Variants in USP54 observed in about 807,000 individuals in gnomAD.
USP54 encodes the protein ubiquitin carboxyl-terminal hydrolase 54.
A neutral mutation model predicts 170.5 loss-of-function variants in USP54; 87 were observed. That is an observed-to-expected ratio of 0.51 (90% confidence interval 0.43 to 0.61). USP54 has a LOEUF of 0.61. USP54 is among the 20% of genes least tolerant of loss of function. The probability of loss-of-function intolerance (pLI) is 0.00; values close to 1 mark genes in which losing one functional copy is unlikely to be tolerated. For synonymous variants in USP54, 655 were observed against 742.8 expected, an observed-to-expected ratio of 0.88 and a Z score of 1.92; for missense variants, 1,786 against 2,047.8, an observed-to-expected ratio of 0.87 and a Z score of 2.47.
chr10:73,539,106 C>A (rs1471165022), intron 10 of USP54, among the ~76,000 whole-genome samples: 1 of 151,750 alleles, frequency 6.6e-6, no homozygotes, highest in Non-Finnish European at 1.5e-5. Flanking sequence ...TAGTGAAACT[C>A]TGTCTCTACT....
intron 23 of USP54, among the ~76,000 whole-genome samples, chr10:73,500,249 T>C (rs1827542865): frequency 1.3e-5 from 2 of 152,218 alleles, no homozygotes; most frequent in Non-Finnish European, 2.9e-5. Flanking sequence ...ATTCCTTATC[T>C]TCCTAGACCA....
upstream of USP54, among the ~76,000 whole-genome samples, chr10:73,591,699 A>G (rs2078264944): frequency 6.6e-6 from 1 of 152,226 alleles, no homozygotes; most frequent in Non-Finnish European, 1.5e-5. Flanking sequence ...TTAAACAATA[A>G]GGTTTGCAGG....
intron 4 of USP54, among the ~76,000 whole-genome samples, chr10:73,556,345 C>CTTT (rs954299268): frequency 1.5e-5 from 2 of 133,850 alleles, no homozygotes; most frequent in African/African-American, 2.8e-5. Flanking sequence ...CTTTTTTTTT[C>CTTT]TTTTTTTTTT....
chr10:73,498,683 A>G lies in USP54; in HGVS notation c.5001T>C (p.Asp1667=). Reference sequence around the variant, plus strand: ...CCCTGATCTGCTCTCTTCTGGGAGCATCTGATAGAACAAACAGAAACCCCT... The same window carrying G: ...CCCTGATCTGCTCTCTTCTGGGAGCGTCTGATAGAACAAACAGAAACCCCT... ...VGEGFLFVLS[D]APRREQIRAR... is the part of the protein sequence containing the mutation. The change falls in exon 24 of 24, where the codon GAT becomes GAC. Residue 1667 remains aspartate (D), a synonymous_variant. Transcript: ENST00000687698. 4 of 1,600,938 alleles carry G rather than the reference A, an allele frequency of 2.5e-6. No homozygotes were observed. Among genetic ancestry groups the G allele is most frequent in the Non-Finnish European group, 3.4e-6 (4 of 1,172,988 alleles).
chr10:73,596,612 A>AG (rs376049102), intron 1 of USP54, among the ~76,000 whole-genome samples: 163 of 146,888 alleles, frequency 1.1e-3, no homozygotes, highest in African/African-American at 3.8e-3. Flanking sequence ...CCAGCTACTC[A>AG]GGAGGCTGGG....
In USP54 at chr10:73,545,536, AC is replaced by A; in HGVS notation, c.375+1del. ...CAAAGAGGGCCAGAGGCCAGCACTT[AC>A]AAAGCACTCTGCAGCATCATCCATA... On this transcript the variant is annotated splice_donor_variant, in intron 5 of 23. Coordinates refer to ENST00000687698, the MANE Select transcript of USP54 (RefSeq NM_001391956.1). LOFTEE classifies it high-confidence loss of function. The A allele has an allele frequency of 6.2e-7, 1 of 1,614,106 alleles. No homozygotes were observed. Among genetic ancestry groups the A allele is most frequent in the Non-Finnish European group, 8.5e-7 (1 of 1,179,952 alleles).
At chr10:73,511,353 A>G (rs1429464004) in intron 20 of USP54, among the ~76,000 whole-genome samples, 2 of 148,978 alleles carry the variant, frequency 1.3e-5, no homozygotes, top group Non-Finnish European at 3.0e-5. Context: ...TTTTTTTTTT[A>G]GCATTTTTTG....
At position 73,519,851 on chromosome 10, in the gene USP54, G is replaced by T. The variant is rs750901770; in HGVS notation, c.2624C>A (p.Ser875Ter). ...MQQQQSPQQP[S>*]QPSACLPTQA... ...TGTTGGGAGGCAGGCTGAGGGCTGC[G>T]ACGGCTGCTGTGGTGATTGCTGCTG... Residue 875 changes from serine to a stop codon, truncating the protein, a stop_gained, in exon 19 of 24, where the codon TCG (serine) becomes TAG (stop). Transcript: ENST00000687698. LOFTEE classifies it high-confidence loss of function. 5 of 1,613,996 alleles carry T rather than the reference G, an allele frequency of 3.1e-6. No homozygotes were observed. The highest frequency in any genetic ancestry group is 4.2e-6 in the Non-Finnish European group (5 of 1,180,034).
chr10:73,512,921 G>A (rs896725204), intron 20 of USP54, among the ~76,000 whole-genome samples: 3 of 151,720 alleles, frequency 2.0e-5, no homozygotes, highest in Non-Finnish European at 4.4e-5. Context: ...ACTACTCAAG[G>A]GGCTGAGGTG....
rs2061139785 is a variant in USP54, at chr10:73,516,695, CTAACA to C, written c.3726_3730del (p.Asp1242GlufsTer3). 1 of 1,614,190 alleles carries C rather than the reference CTAACA, an allele frequency of 6.2e-7. No individual in the cohort carries two copies. Among genetic ancestry groups the C allele is most frequent in the African/African-American group, 1.3e-5 (1 of 75,054 alleles). On this transcript the variant is annotated frameshift_variant, in exon 20 of 24. Transcript: ENST00000687698. LOFTEE classifies it high-confidence loss of function. ...AGTACTGCTGCCCAGATCCTTAGAC[CTAACA>C]TCTCTCACTTGGGACAGCTTCTCTT...
At chr10:73,622,308 T>G (rs1222132700) in intron 1 of USP54, among the ~76,000 whole-genome samples, 1 of 121,864 alleles carries the variant, frequency 8.2e-6, no homozygotes, top group Non-Finnish European at 1.6e-5. Flanking sequence ...TAATATTTAT[T>G]TATTTATTTA....
At chr10:73,561,757 G>C (rs1013238300) in intron 4 of USP54, among the ~76,000 whole-genome samples, 1 of 152,204 alleles carries the variant, frequency 6.6e-6, no homozygotes, top group Non-Finnish European at 1.5e-5. Flanking sequence ...TCAGGATTAT[G>C]AGAAGATACT....
chr10:73,508,978 T>G (rs2059716879), intron 20 of USP54, among the ~76,000 whole-genome samples: 1 of 151,066 alleles, frequency 6.6e-6, no homozygotes, highest in Admixed American at 6.6e-5. Context: ...ACATGTTTTT[T>G]TTTTTTTTTT....
intron 23 of USP54, among the ~76,000 whole-genome samples, chr10:73,500,190 C>T (rs1435147778): frequency 1.3e-5 from 2 of 152,214 alleles, no homozygotes; most frequent in South Asian, 2.1e-4. Flanking sequence ...TGGGTCTGTA[C>T]ACATGGTGTG....
chr10:73,618,910 CA>C (rs1269062891), intron 1 of USP54, among the ~76,000 whole-genome samples: 3 of 149,588 alleles, frequency 2.0e-5, no homozygotes, highest in African/African-American at 5.1e-5. Flanking sequence ...GACTCCATCT[CA>C]AAAAAAATTT....
At chr10:73,610,660 G>GA (rs5786113) in intron 1 of USP54, among the ~76,000 whole-genome samples, 6 of 145,426 alleles carry the variant, frequency 4.1e-5, no homozygotes, top group Admixed American at 6.9e-5. Context: ...TCAGGAAAAA[G>GA]AAAAAAAAAA....
intron 22 of USP54, among the ~76,000 whole-genome samples, chr10:73,503,747 T>A (rs1354011865): frequency 2.0e-5 from 3 of 152,176 alleles, no homozygotes; most frequent in African/African-American, 7.2e-5. Context: ...TTTGTTTTGT[T>A]TTTGAGACAG....
At chr10:73,606,070 C>T (rs961841322) in intron 1 of USP54, among the ~76,000 whole-genome samples, 3 of 147,962 alleles carry the variant, frequency 2.0e-5, no homozygotes, top group Admixed American at 1.4e-4. Flanking sequence ...CCCAGCCACT[C>T]GGGAGGCTGA....
intron 20 of USP54, chr10:73,506,575 T>G (rs2059168895): frequency 6.6e-6 from 1 of 152,218 alleles, no homozygotes. Context: ...ATTATTCATG[T>G]AAGTATTGTA....
Sources: allele counts gnomAD v4.1 joint callset (sites outside exome capture counted in the v4.1 genomes callset), GRCh38; gene constraint gnomAD v4.1.1; transcripts MANE v1.5; gene names NCBI Gene and HGNC (gene_info 2026-07-23, HGNC 2026-07-21).